The following CSMD1 variants were observed in gnomAD, a reference collection of about 807,000 sequenced individuals.
CSMD1 encodes the protein CUB and sushi domain-containing protein 1.
CSMD1 carries 213 observed loss-of-function variants against 417.5 expected under a neutral mutation model. The observed-to-expected ratio is 0.51, with a 90% CI of 0.46 to 0.57. The LOEUF is 0.57. CSMD1 is among the 20% of genes least tolerant of loss of function. The pLI is 0.00. For missense variants in CSMD1, 6,923 were observed against 4,529.7 expected (o/e 1.53, Z -15.17); for synonymous variants, 2,862 against 1,736.8 (o/e 1.65, Z -16.11).
At chr8:2,942,754 T>A (rs1801974043) in intron 68 of CSMD1, 150 bp from the exon 69 acceptor site, 8 of 606,474 alleles carry the variant, frequency 1.3e-5, no homozygotes, top group Non-Finnish European at 2.2e-5. Flanking sequence ...TTTCTAAAGA[T>A]TTTTAATATC....
chr8:3,416,346 T>G (rs1003625793), intron 12 of CSMD1, among the ~76,000 whole-genome samples: 8 of 149,574 alleles, frequency 5.3e-5, no homozygotes, highest in Middle Eastern at 3.2e-3. Flanking sequence ...AGATATAGTT[T>G]AGAAAACTGG....
chr8:4,823,696 G>T (rs903490131), intron 1 of CSMD1, among the ~76,000 whole-genome samples: 4 of 152,014 alleles, frequency 2.6e-5, no homozygotes, highest in African/African-American at 4.8e-5. Context: ...TCTATGGTGA[G>T]AATTAATATA....
intron 5 of CSMD1, among the ~76,000 whole-genome samples, chr8:3,956,631 T>G (rs1309042277): frequency 1.3e-5 from 2 of 152,284 alleles, no homozygotes; most frequent in East Asian, 3.9e-4. Flanking sequence ...GACTAAAATG[T>G]TGTTATTTTC....
intron 49 of CSMD1, among the ~76,000 whole-genome samples, chr8:3,058,629 T>TG (rs1812393127): frequency 6.6e-6 from 1 of 152,166 alleles, no homozygotes; most frequent in African/African-American, 2.4e-5. Flanking sequence ...AACATTAATG[T>TG]GCTCCTTATC....
Position 3,910,312 on chromosome 8 carries a change from A to G in CSMD1, c.818+87591T>C, listed in dbSNP as rs951805692. Among the ~76,000 whole-genome samples the G allele has an allele frequency of 6.0e-4, 92 of 152,174 alleles. 3 individuals carry two copies. Among genetic ancestry groups the G allele is most frequent in the Admixed American group, 6.0e-3 (91 of 15,282 alleles). On this transcript the variant is annotated intron_variant, in intron 5 of 69. Coordinates refer to ENST00000635120, the MANE Select transcript of CSMD1 (RefSeq NM_033225.6). ...CGTTTGAAAATATGATGGAATTCAG[A>G]GCATGCCTGTGTCCTGCAAACTGAC...
chr8:4,813,650 A>T (rs1023942818), intron 1 of CSMD1, among the ~76,000 whole-genome samples: 2 of 152,222 alleles, frequency 1.3e-5, no homozygotes, highest in Non-Finnish European at 2.9e-5. Context: ...AATAACATCA[A>T]TTTACACGTT....
At chr8:3,477,894 G>A (rs1230426397) in intron 11 of CSMD1, among the ~76,000 whole-genome samples, 1 of 152,152 alleles carries the variant, frequency 6.6e-6, no homozygotes, top group Non-Finnish European at 1.5e-5. Context: ...CAGAGGGCCA[G>A]GGCAGGTGGA....
chr8:3,256,167 A>C (rs1800636351), intron 26 of CSMD1, among the ~76,000 whole-genome samples: 1 of 152,116 alleles, frequency 6.6e-6, no homozygotes, highest in Admixed American at 6.5e-5. Flanking sequence ...CTCTGTACTA[A>C]AAATATAAAA....
At chr8:3,333,247 C>G (rs1052674702) in intron 23 of CSMD1, among the ~76,000 whole-genome samples, 49 of 152,194 alleles carry the variant, frequency 3.2e-4, no homozygotes, top group African/African-American at 1.2e-3. Flanking sequence ...CCAGCCAAGC[C>G]GTGTCTGGGC....
At chr8:3,791,902 T>G (rs1799764742) in intron 5 of CSMD1, among the ~76,000 whole-genome samples, 1 of 152,144 alleles carries the variant, frequency 6.6e-6, no homozygotes, top group Non-Finnish European at 1.5e-5. Context: ...TTTTTGGCAT[T>G]GAAAGTAATG....
intron 5 of CSMD1, among the ~76,000 whole-genome samples, chr8:3,871,057 C>G (rs1389010422): frequency 6.6e-6 from 1 of 151,686 alleles, no homozygotes; most frequent in Admixed American, 6.6e-5. Flanking sequence ...GTGTATTATT[C>G]CATGACTTAC....
chr8:3,066,101 G>A (rs1002088483), intron 49 of CSMD1, among the ~76,000 whole-genome samples: 1 of 152,158 alleles, frequency 6.6e-6, no homozygotes, highest in African/African-American at 2.4e-5. Flanking sequence ...ATTGCCAAAG[G>A]ACAATTCAAA....
At chr8:3,290,506 A>C (rs529955592) in intron 25 of CSMD1, among the ~76,000 whole-genome samples, 3 of 144,396 alleles carry the variant, frequency 2.1e-5, no homozygotes, top group African/African-American at 8.5e-5. Context: ...TTCCTTGAGC[A>C]GTGGTTTGTA....
intron 1 of CSMD1, among the ~76,000 whole-genome samples, chr8:4,763,754 G>A (rs991367564): frequency 9.9e-5 from 15 of 152,156 alleles, no homozygotes; most frequent in African/African-American, 3.4e-4. Context: ...CATTTCAAGA[G>A]GCAGGGCAGT....
chr8:4,066,934 T>C (rs2554694), intron 3 of CSMD1, among the ~76,000 whole-genome samples: 67,272 of 152,102 alleles, frequency 0.44, 15,291 homozygotes, highest in Admixed American at 0.6. Flanking sequence ...AAATGCTATT[T>C]GTATTGTGTA....
At chr8:3,315,587 T>C (rs1805697852) in intron 23 of CSMD1, among the ~76,000 whole-genome samples, 1 of 151,976 alleles carries the variant, frequency 6.6e-6, no homozygotes, top group South Asian at 2.1e-4. Context: ...ATATATTAAG[T>C]TTTTGCTGAC....
intron 3 of CSMD1, among the ~76,000 whole-genome samples, chr8:4,272,979 C>T (rs1458100703): frequency 6.6e-6 from 1 of 152,066 alleles, no homozygotes; most frequent in Non-Finnish European, 1.5e-5. Flanking sequence ...GGAAGGAAAA[C>T]CACATGCTTA....
chr8:3,541,200 TAAG>T (rs1798423386), intron 10 of CSMD1, among the ~76,000 whole-genome samples: 1 of 152,164 alleles, frequency 6.6e-6, no homozygotes, highest in South Asian at 2.1e-4. Flanking sequence ...TATGCAGCCA[TAAG>T]AAGGAATGAG....
At position 2,936,399 on chromosome 8, in the gene CSMD1, A is replaced by G. The variant is rs1403241770; in HGVS notation, c.*2186T>C. On this transcript the variant is annotated 3_prime_UTR_variant, in exon 70 of 70. Transcript: ENST00000635120. ...TATATATATATATATGTATGTATAT[A>G]TATACACTAATATGTATAGTAACCC... 1 of 151,322 alleles carries G rather than the reference A, an allele frequency of 6.6e-6. No individual in the cohort carries two copies. Among genetic ancestry groups the G allele is most frequent in the Non-Finnish European group, 1.5e-5 (1 of 67,924 alleles). 9.4% of individuals were successfully genotyped at this position (151,322 alleles called of 1,614,324 possible).
Sources: allele counts gnomAD v4.1 joint callset (sites outside exome capture counted in the v4.1 genomes callset), GRCh38; gene constraint gnomAD v4.1.1; transcripts MANE v1.5; gene names NCBI Gene and HGNC (gene_info 2026-07-23, HGNC 2026-07-21).